The following OASL variants were observed in gnomAD, a reference collection of about 807,000 sequenced individuals.
OASL encodes the protein 2'-5'-oligoadenylate synthetase like, also known as 2'-5'-oligoadenylate synthase-like protein.
Under a neutral mutation model 35.3 loss-of-function variants are expected in OASL, and 28 were observed. That is an observed-to-expected ratio of 0.79 (90% confidence interval 0.59 to 1.09). OASL has a LOEUF of 1.09. Ranked by LOEUF, OASL falls within the 50% of genes least tolerant of loss-of-function variation. OASL has a pLI of 0.00. For synonymous variants in OASL, 252 were observed against 254.6 expected (o/e 0.99, Z 0.10); for missense variants, 620 against 635.2 (o/e 0.98, Z 0.26).
At chr12:121,027,152 C>T (rs974127521) in intron 4 of OASL, among the ~76,000 whole-genome samples, 1 of 152,192 alleles carries the variant, frequency 6.6e-6, no homozygotes, top group Non-Finnish European at 1.5e-5. Flanking sequence ...TTCTCCAACC[C>T]TTACATCAAT....
At position 121,027,540 on chromosome 12, in the gene OASL, T is replaced by C. The variant is rs773615610; in HGVS notation, c.899+36A>G. On this transcript the variant is annotated intron_variant, in intron 4 of 5. Transcript: ENST00000257570. ...TTACACTAGCCCGTCTCTCTTTTTT[T>C]CTGTAAGATTTGGTGGGCAAACAGT... 2.5e-6 allele frequency: 4 copies of C among 1,610,138 alleles called. No individual in the cohort carries two copies. In the East Asian group the frequency reaches 8.9e-5, roughly 36 times the overall value.
At chr12:121,023,884 C>G in intron 5 of OASL, 106 bp downstream of exon 5, 1 of 1,399,988 alleles carries the variant, frequency 7.1e-7, no homozygotes, top group Non-Finnish European at 9.8e-7. Flanking sequence ...AACGGTGACT[C>G]TAAAGTTCTG....
chr12:121,031,590 G>T (rs775317879), exon 3 of OASL: 8 of 1,613,556 alleles, frequency 5.0e-6, no homozygotes, highest in Non-Finnish European at 5.1e-6. Context: ...GACCTCAGGG[G>T]GTGGCTGGGA....
downstream of OASL, among the ~76,000 whole-genome samples, chr12:121,018,897 C>T (rs748208249): frequency 1.4e-5 from 2 of 141,460 alleles, no homozygotes. Context: ...AAAAAAGAAG[C>T]GATCCTAGAG....
intron 5 of OASL, 46 bp downstream of exon 5, chr12:121,023,944 T>C: frequency 2.5e-6 from 4 of 1,607,724 alleles, no homozygotes; most frequent in Non-Finnish European, 3.4e-6. Context: ...AGTTTATCTG[T>C]CGTTCTGACC....
exon 1 of OASL, chr12:121,039,215 C>T: frequency 5.6e-6 from 3 of 539,180 alleles, no homozygotes; most frequent in Non-Finnish European, 1.0e-5. Flanking sequence ...ATATCTGGGG[C>T]CACCTTAACA....
At chr12:121,028,319 A>G (rs1869577476) in intron 3 of OASL, among the ~76,000 whole-genome samples, 2 of 152,222 alleles carry the variant, frequency 1.3e-5, no homozygotes, top group South Asian at 4.1e-4. Context: ...CCGCAGCTCC[A>G]GGATGGGCCC....
chr12:121,031,250 C>G (rs1466749937), intron 3 of OASL, among the ~76,000 whole-genome samples, 192 bp downstream of exon 3: 1 of 152,066 alleles, frequency 6.6e-6, no homozygotes, highest in Non-Finnish European at 1.5e-5. Context: ...TTCTCCTCTT[C>G]CTCCTCCTCT....
In OASL at chr12:121,021,069, G is replaced by A; in HGVS notation, c.1048-11C>T. On this transcript the variant is annotated splice_polypyrimidine_tract_variant and intron_variant, in intron 5 of 5. Transcript: ENST00000257570. ...GATGTCTCGTGCCCTCTGGAAGGGA[G>A]AGGGAGAAGGAGAGGTGTTAAGTCC... 1 of 1,547,634 alleles carries A rather than the reference G, an allele frequency of 6.5e-7. No individual in the cohort carries two copies. Among genetic ancestry groups the A allele is most frequent in the Non-Finnish European group, 8.7e-7 (1 of 1,154,104 alleles).
chr12:121,031,314 G>T, intron 3 of OASL, 128 bp downstream of exon 3: 1 of 818,264 alleles, frequency 1.2e-6, no homozygotes, highest in Non-Finnish European at 1.9e-6. Flanking sequence ...CAAAAGACTA[G>T]CATTCTCTCC....
Position 121,031,116 on chromosome 12 carries a change from C to T in OASL, c.657+326G>A, listed in dbSNP as rs1169189187. ...CTACAGTGAGTGGTGATTGCACCAC[C>T]GCACTACAGCCTGGGCAACAAAGCA... On this transcript the variant is annotated intron_variant, in intron 3 of 5. Transcript: ENST00000257570. Among the ~76,000 whole-genome samples the T allele has an allele frequency of 2.6e-5, 4 of 151,394 alleles. No homozygotes were observed. The East Asian group carries it at 7.8e-4, about 29-fold the overall frequency.
chr12:121,027,721 C>T (rs749649840), exon 4 of OASL: 6 of 1,614,170 alleles, frequency 3.7e-6, no homozygotes, highest in East Asian at 2.2e-5. Flanking sequence ...ATGAAATTCT[C>T]GTCTTCTTCA....
chr12:121,021,541 T>C (rs7131696), intron 5 of OASL, among the ~76,000 whole-genome samples: 23,808 of 152,282 alleles, frequency 0.16, 2,076 homozygotes, highest in Non-Finnish European at 0.19. Flanking sequence ...CTGGGTGCAG[T>C]GGCTCACGCC....
At position 121,027,645 on chromosome 12, in the gene OASL, C is replaced by T. The variant is rs773455607; in HGVS notation, c.830G>A (p.Trp277Ter). The change falls in exon 4 of 6, where the codon TGG becomes TAG. Residue 277 changes from tryptophan to a stop codon, truncating the protein, a stop_gained. Transcript: ENST00000257570. LOFTEE classifies it high-confidence loss of function. ...ATTGTGGAGTGTGTAGTACTTGGTC[C>T]AGTAGATACAGATGACTTCATACTC... is the stretch of plus-strand genomic sequence containing the variant. The T allele has an allele frequency of 4.3e-6, 7 of 1,614,006 alleles. No individual in the cohort carries two copies. The highest frequency in any genetic ancestry group is 5.9e-6 in the Non-Finnish European group (7 of 1,180,032).
chr12:121,024,917 ATTTTTAT>A (rs1049482118), intron 4 of OASL, among the ~76,000 whole-genome samples: 4 of 129,138 alleles, frequency 3.1e-5, no homozygotes, highest in African/African-American at 8.7e-5. Flanking sequence ...AGGGACTGTT[ATTTTTAT>A]TGTTTATTGT....
intron 1 of OASL, among the ~76,000 whole-genome samples, chr12:121,034,908 G>T (rs767798077): frequency 9.9e-5 from 15 of 152,126 alleles, no homozygotes; most frequent in South Asian, 2.1e-4. Context: ...GTTAGTAATG[G>T]AAGGAGGTCG....
At chr12:121,024,864 A>G (rs1001328230) in intron 4 of OASL, among the ~76,000 whole-genome samples, 7 of 151,932 alleles carry the variant, frequency 4.6e-5, no homozygotes, top group African/African-American at 1.7e-4. Flanking sequence ...GCCAAATCCT[A>G]TGCAGATTAA....
rs994361938 is a variant in OASL at position 121,026,008 on chromosome 12, G to C, written c.899+1568C>G. 3.9e-5 allele frequency among the ~76,000 whole-genome samples: 6 copies of C among 152,148 alleles called. No homozygotes were observed. In the East Asian group the frequency reaches 1.2e-3, roughly 29 times the overall value. ...CTAAAGTGGCTCATTCTGTTGGCTGGCAGGTGACCCAACACATGGGGTCTG... is the reference window on the plus strand; with the variant it reads ...CTAAAGTGGCTCATTCTGTTGGCTGCCAGGTGACCCAACACATGGGGTCTG... On this transcript the variant is annotated intron_variant, in intron 4 of 5. Coordinates refer to ENST00000257570, the Ensembl canonical transcript of OASL.
At chr12:121,027,782 G>T in exon 4 of OASL, 1 of 1,614,102 alleles carries the variant, frequency 6.2e-7, no homozygotes, top group Non-Finnish European at 8.5e-7. Context: ...CATAGAGAGG[G>T]GGCAGATTGG....
Sources: allele counts gnomAD v4.1 joint callset (sites outside exome capture counted in the v4.1 genomes callset), GRCh38; gene constraint gnomAD v4.1.1; transcripts MANE v1.5; gene names NCBI Gene and HGNC (gene_info 2026-07-23, HGNC 2026-07-21).